The following SCFD2 variants were observed in gnomAD, a reference collection of about 807,000 sequenced individuals.
The protein encoded by SCFD2 is sec1 family domain-containing protein 2.
In SCFD2, 54 loss-of-function variants were observed where a neutral mutation model predicts 58.9. The observed-to-expected ratio is 0.92, with a 90% CI of 0.74 to 1.15. The LOEUF is 1.15. Ranked by LOEUF, SCFD2 falls within the 50% of genes most tolerant of loss-of-function variation. SCFD2 has a pLI of 0.00. For synonymous variants in SCFD2, 321 were observed against 335.9 expected, an observed-to-expected ratio of 0.96 and a Z score of 0.49; for missense variants, 805 against 836.6, an observed-to-expected ratio of 0.96 and a Z score of 0.47.
At chr4:53,262,741 T>C (rs1730865925) in intron 4 of SCFD2, among the ~76,000 whole-genome samples, 2 of 152,210 alleles carry the variant, frequency 1.3e-5, no homozygotes, top group Admixed American at 1.3e-4. Flanking sequence ...GGCAATTATC[T>C]TTTTGTGATG....
intron 4 of SCFD2, among the ~76,000 whole-genome samples, chr4:53,216,859 T>C (rs922376576): frequency 2.0e-5 from 3 of 152,238 alleles, no homozygotes; most frequent in African/African-American, 4.8e-5. Flanking sequence ...TTTGTTCTCA[T>C]TGGTTTCAAA....
chr4:53,069,372 T>A (rs2148847877), intron 5 of SCFD2, among the ~76,000 whole-genome samples: 1 of 152,148 alleles, frequency 6.6e-6, no homozygotes, highest in East Asian at 1.9e-4. Flanking sequence ...TTACTACATT[T>A]TCATATCTGA....
intron 5 of SCFD2, among the ~76,000 whole-genome samples, chr4:53,132,298 C>T (rs1043314494): frequency 5.9e-5 from 9 of 152,294 alleles, no homozygotes; most frequent in South Asian, 4.1e-4. Context: ...CTAAATATAA[C>T]GGTTCCAACA....
intron 5 of SCFD2, among the ~76,000 whole-genome samples, chr4:53,026,695 G>C (rs1217526376): frequency 2.0e-5 from 3 of 152,148 alleles, no homozygotes; most frequent in South Asian, 2.1e-4. Flanking sequence ...ATCCTTTTGG[G>C]TGTCTGAAAT....
chr4:53,258,941 A>C (rs765523885), intron 4 of SCFD2, among the ~76,000 whole-genome samples: 1 of 151,990 alleles, frequency 6.6e-6, no homozygotes, highest in African/African-American at 2.4e-5. Flanking sequence ...ATGGTATCAC[A>C]CTGTGGTTTT....
intron 5 of SCFD2, among the ~76,000 whole-genome samples, chr4:52,933,236 T>C (rs1303627204): frequency 1.3e-5 from 2 of 151,866 alleles, no homozygotes; most frequent in Non-Finnish European, 2.9e-5. Flanking sequence ...AGAACAGGGC[T>C]AGACTTCCTG....
intron 5 of SCFD2, among the ~76,000 whole-genome samples, chr4:53,128,942 C>A (rs1392259486): frequency 6.6e-6 from 1 of 152,048 alleles, no homozygotes; most frequent in Non-Finnish European, 1.5e-5. Flanking sequence ...GGAAAAGAAC[C>A]CCCAAATTGT....
intron 5 of SCFD2, among the ~76,000 whole-genome samples, chr4:53,002,379 G>A (rs889082940): frequency 6.6e-6 from 1 of 152,070 alleles, no homozygotes; most frequent in African/African-American, 2.4e-5. Flanking sequence ...ACCACCAGAC[G>A]GCACCAACAT....
In SCFD2 at chr4:52,927,243, A is replaced by G. The variant is rs1034442375; in HGVS notation, c.1562-6373T>C. Among the ~76,000 whole-genome samples the G allele has an allele frequency of 4.6e-5, 7 of 152,206 alleles. No homozygotes were observed. The East Asian group carries it at 1.3e-3, about 29-fold the overall frequency. On this transcript the variant is annotated intron_variant, in intron 5 of 8. Coordinates refer to ENST00000401642, the MANE Select transcript of SCFD2 (RefSeq NM_152540.4). ...GTATAAGTACATATTCATATATGTA[A>G]TCTTTAAATTAAAATATAAATGTGT...
At chr4:52,982,876 T>G (rs1206644360) in intron 5 of SCFD2, among the ~76,000 whole-genome samples, 1 of 152,180 alleles carries the variant, frequency 6.6e-6, no homozygotes, top group Non-Finnish European at 1.5e-5. Flanking sequence ...TTTTGGGAGA[T>G]GTACATGCCA....
At chr4:53,276,622 C>T (rs1731336382) in intron 3 of SCFD2, among the ~76,000 whole-genome samples, 1 of 152,264 alleles carries the variant, frequency 6.6e-6, no homozygotes, top group Admixed American at 6.5e-5. Flanking sequence ...TCCCACCCTC[C>T]ACCCTCAAGT....
intron 3 of SCFD2, among the ~76,000 whole-genome samples, chr4:53,294,622 G>A (rs1731958392): frequency 6.6e-6 from 1 of 152,106 alleles, no homozygotes; most frequent in Admixed American, 6.6e-5. Flanking sequence ...TTTCTTTACT[G>A]TGCAGAAGCT....
intron 5 of SCFD2, among the ~76,000 whole-genome samples, chr4:53,088,379 A>G (rs1304250902): frequency 1.3e-5 from 2 of 152,216 alleles, no homozygotes; most frequent in Non-Finnish European, 2.9e-5. Flanking sequence ...CCTGCCTGAC[A>G]GAGCCGTGGG....
intron 5 of SCFD2, among the ~76,000 whole-genome samples, chr4:53,085,157 T>C (rs1015686274): frequency 6.6e-6 from 1 of 152,166 alleles, no homozygotes; most frequent in Non-Finnish European, 1.5e-5. Flanking sequence ...CCACAAAAAC[T>C]ATTAGGACTG....
chr4:53,116,674 T>C (rs1241672432), intron 5 of SCFD2, among the ~76,000 whole-genome samples: 2 of 152,192 alleles, frequency 1.3e-5, no homozygotes, highest in East Asian at 1.9e-4. Context: ...CAATTATACC[T>C]GAAGCTGGAT....
At chr4:53,246,832 G>T (rs181409211) in intron 4 of SCFD2, among the ~76,000 whole-genome samples, 6 of 151,604 alleles carry the variant, frequency 4.0e-5, no homozygotes, top group African/African-American at 1.5e-4. Context: ...TTTAACAAAA[G>T]AAAAAAATTA....
At chr4:53,090,257 C>A (rs1464009457) in intron 5 of SCFD2, among the ~76,000 whole-genome samples, 1 of 152,098 alleles carries the variant, frequency 6.6e-6, no homozygotes, top group Non-Finnish European at 1.5e-5. Context: ...AATAAGAAAT[C>A]CAAAACAAAC....
chr4:53,031,254 G>A (rs1722609227), intron 5 of SCFD2, among the ~76,000 whole-genome samples: 2 of 152,148 alleles, frequency 1.3e-5, no homozygotes, highest in South Asian at 4.1e-4. Context: ...CCATCTGAAG[G>A]TTACCAACAT....
intron 3 of SCFD2, among the ~76,000 whole-genome samples, chr4:53,279,531 T>C (rs1731441927): frequency 1.3e-5 from 2 of 152,218 alleles, no homozygotes; most frequent in Non-Finnish European, 2.9e-5. Flanking sequence ...TATTAAAATA[T>C]AAATTTATGT....
Sources: gnomAD v4.1 joint callset for allele counts (sites outside exome capture counted in the v4.1 genomes callset) on GRCh38, gnomAD v4.1.1 for gene constraint, MANE v1.5 for transcripts, NCBI Gene and HGNC (gene_info 2026-07-23, HGNC 2026-07-21) for gene names.